Variants in KCNH1 observed in about 807,000 individuals in gnomAD.
KCNH1 encodes the protein voltage-gated delayed rectifier potassium channel KCNH1.
A neutral mutation model predicts 69.2 loss-of-function variants in KCNH1; 27 were observed. The ratio of observed to expected loss-of-function variants is 0.39; its 90% CI spans 0.29 to 0.54. The LOEUF (loss-of-function observed/expected upper bound fraction) is 0.54. KCNH1 is among the 20% of genes least tolerant of loss of function. KCNH1 has a pLI of 0.68. For missense variants in KCNH1, 798 were observed against 1,261.6 expected, an observed-to-expected ratio of 0.63 and a Z score of 5.57; for synonymous variants, 456 against 487.7, an observed-to-expected ratio of 0.93 and a Z score of 0.86.
At chr1:210,729,806 T>C (rs931423398) in intron 10 of KCNH1, among the ~76,000 whole-genome samples, 2 of 152,184 alleles carry the variant, frequency 1.3e-5, no homozygotes, top group Non-Finnish European at 2.9e-5. Flanking sequence ...TATCAGTACT[T>C]TAAAAATAGC....
At chr1:210,881,575 C>G (rs2102508946) in intron 7 of KCNH1, among the ~76,000 whole-genome samples, 1 of 152,294 alleles carries the variant, frequency 6.6e-6, no homozygotes, top group East Asian at 1.9e-4. Flanking sequence ...CACACAAAAA[C>G]CTGCACATAG....
chr1:211,103,639 G>T, intron 2 of KCNH1, 37 bp from the exon 3 acceptor site: 1 of 1,321,860 alleles, frequency 7.6e-7, no homozygotes, highest in Non-Finnish European at 1.1e-6. Flanking sequence ...AGATTAAGAA[G>T]TATTCATTAT....
rs193041882 is a variant in KCNH1, at chr1:211,022,780, C to T, written c.559-3524G>A. 3.9e-5 allele frequency among the ~76,000 whole-genome samples: 6 copies of T among 152,150 alleles called. No individual in the cohort carries two copies. In the East Asian group the frequency reaches 1.2e-3, roughly 29 times the overall value. Reference sequence around the variant, plus strand: ...AAATCAAAATGCAATGAAATGTAATCTCATCCCAGTTAAATGGCTATTATC... The same window carrying T: ...AAATCAAAATGCAATGAAATGTAATTTCATCCCAGTTAAATGGCTATTATC... On this transcript the variant is annotated intron_variant, in intron 5 of 10. Coordinates refer to ENST00000271751, the MANE Select transcript of KCNH1 (RefSeq NM_172362.3).
At chr1:210,986,142 C>T (rs1420151406) in intron 6 of KCNH1, among the ~76,000 whole-genome samples, 2 of 152,112 alleles carry the variant, frequency 1.3e-5, no homozygotes, top group Non-Finnish European at 2.9e-5. Context: ...CTTAGTAGAT[C>T]TTCCTCCATC....
chr1:211,010,652 G>A (rs921133425), intron 6 of KCNH1, among the ~76,000 whole-genome samples: 2 of 152,070 alleles, frequency 1.3e-5, no homozygotes, highest in Admixed American at 6.5e-5. Flanking sequence ...CTCCCACAAG[G>A]CTAAGTGCTC....
At chr1:211,107,922 C>G (rs576467197) in intron 1 of KCNH1, among the ~76,000 whole-genome samples, 29 of 152,294 alleles carry the variant, frequency 1.9e-4, no homozygotes, top group Non-Finnish European at 4.0e-4. Context: ...GGAACCCTCC[C>G]CTTGGTGAGG....
chr1:210,817,160 C>A (rs1432167752), intron 7 of KCNH1, among the ~76,000 whole-genome samples: 2 of 152,064 alleles, frequency 1.3e-5, no homozygotes, highest in African/African-American at 4.8e-5. Context: ...ATAATAATTA[C>A]CCAAAATAAT....
intron 7 of KCNH1, among the ~76,000 whole-genome samples, chr1:210,812,188 T>C (rs1684717646): frequency 6.6e-6 from 1 of 152,212 alleles, no homozygotes; most frequent in African/African-American, 2.4e-5. Context: ...CAAGGCTGAT[T>C]GGATTATTCA....
intron 9 of KCNH1, among the ~76,000 whole-genome samples, chr1:210,788,611 G>C (rs1433286553): frequency 6.6e-6 from 1 of 150,944 alleles, no homozygotes; most frequent in African/African-American, 2.4e-5. Flanking sequence ...TCTCAATCAG[G>C]TAATGTGTGC....
intron 7 of KCNH1, among the ~76,000 whole-genome samples, chr1:210,884,057 C>T (rs766767064): frequency 6.6e-6 from 1 of 152,098 alleles, no homozygotes; most frequent in African/African-American, 2.4e-5. Flanking sequence ...TATGTCAGAT[C>T]TAGTGAGACG....
intron 6 of KCNH1, among the ~76,000 whole-genome samples, chr1:210,935,429 A>G (rs1435730613): frequency 6.6e-6 from 1 of 152,180 alleles, no homozygotes; most frequent in African/African-American, 2.4e-5. Flanking sequence ...GAGGAGCAAT[A>G]AATTCTAGTA....
At chr1:210,842,749 C>T (rs1002433434) in intron 7 of KCNH1, among the ~76,000 whole-genome samples, 2 of 152,130 alleles carry the variant, frequency 1.3e-5, no homozygotes, top group South Asian at 2.1e-4. Context: ...GCATCTTACC[C>T]ACATGCAGTC....
At chr1:210,794,872 TC>T (rs1243506869) in intron 9 of KCNH1, among the ~76,000 whole-genome samples, 1 of 152,168 alleles carries the variant, frequency 6.6e-6, no homozygotes, top group Non-Finnish European at 1.5e-5. Context: ...CAGTAGAATT[TC>T]CTCCTTATCA....
chr1:210,804,253 T>C, intron 7 of KCNH1, 87 bp from the exon 8 acceptor site: 1 of 1,159,214 alleles, frequency 8.6e-7, no homozygotes. Flanking sequence ...TTGCTCAGAG[T>C]AGGCCAATGG....
rs573625346 is a variant in KCNH1, at chr1:210,697,015, CTAT to C, written c.2113-12880_2113-12878del. Among the ~76,000 whole-genome samples, 23 of 152,302 alleles carry C rather than the reference CTAT, an allele frequency of 1.5e-4. No individual in the cohort carries two copies. In the South Asian group the frequency reaches 4.6e-3, roughly 30 times the overall value. ...CAACCACAAGCCTGTGAAGTCGAAA[CTAT>C]TATTAGTCCTCTTTCAAAGTTGAAG... On this transcript the variant is annotated intron_variant, in intron 10 of 10. Coordinates refer to ENST00000271751, the MANE Select transcript of KCNH1 (RefSeq NM_172362.3).
At chr1:210,918,468 T>G (rs114762981) in intron 7 of KCNH1, among the ~76,000 whole-genome samples, 1,567 of 152,318 alleles carry the variant, frequency 0.01, 25 homozygotes, top group Non-Finnish European at 0.018. Flanking sequence ...CAAACTTGTT[T>G]GCTTTTTCCA....
At chr1:210,928,842 G>A (rs769308433) in intron 6 of KCNH1, among the ~76,000 whole-genome samples, 6 of 152,082 alleles carry the variant, frequency 3.9e-5, no homozygotes, top group Middle Eastern at 3.4e-3. Flanking sequence ...CAAACGAAAC[G>A]AGAGATACTA....
In KCNH1 at chr1:211,051,009, T is replaced by TGTTGTTGTTGTC. The variant is rs1233339130; in HGVS notation, c.559-31754_559-31753insGACAACAACAAC. Among the ~76,000 whole-genome samples, 188 of 151,792 alleles carry TGTTGTTGTTGTC rather than the reference T, an allele frequency of 1.2e-3. 1 individual carries two copies. The highest frequency in any genetic ancestry group is 4.3e-3 in the African/African-American group (178 of 41,378). ...TTTGTTTTGTTGTTGTTGTTGTTGT[T>TGTTGTTGTTGTC]GTTTTGAGAGAAGAGTCTTGCTCCA... On this transcript the variant is annotated intron_variant, in intron 5 of 10. Coordinates refer to ENST00000271751, the MANE Select transcript of KCNH1 (RefSeq NM_172362.3).
chr1:211,000,364 C>T (rs916895998), intron 6 of KCNH1, among the ~76,000 whole-genome samples: 2 of 152,114 alleles, frequency 1.3e-5, no homozygotes, highest in African/African-American at 2.4e-5. Context: ...TCTTATACAC[C>T]ACTAACAGAC....
Sources: allele counts gnomAD v4.1 joint callset (sites outside exome capture counted in the v4.1 genomes callset), GRCh38; gene constraint gnomAD v4.1.1; transcripts MANE v1.5; gene names NCBI Gene and HGNC (gene_info 2026-07-23, HGNC 2026-07-21).